GREM2: variants seen among roughly 807,000 people sequenced by gnomAD.
GREM2 encodes gremlin-2.
Under a neutral mutation model 14.2 loss-of-function variants are expected in GREM2, and 11 were observed. The ratio of observed to expected loss-of-function variants is 0.78; its 90% CI spans 0.49 to 1.28. GREM2 has a LOEUF of 1.28. Among genes scored for constraint, GREM2 ranks in the 50% most tolerant of loss-of-function variants. The pLI is 0.00. For synonymous variants in GREM2, 98 were observed against 97.6 expected, an observed-to-expected ratio of 1.00 and a Z score of -0.02; for missense variants, 210 against 218.5, an observed-to-expected ratio of 0.96 and a Z score of 0.24.
intron 1 of GREM2, among the ~76,000 whole-genome samples, chr1:240,536,634 T>C (rs951438454): frequency 1.3e-5 from 2 of 148,268 alleles, no homozygotes; most frequent in African/African-American, 5.1e-5. Flanking sequence ...TAAGACAAAA[T>C]GGCAGCGGGG....
At chr1:240,493,756 C>A (rs140289355) in intron 1 of GREM2, among the ~76,000 whole-genome samples, 2 of 152,000 alleles carry the variant, frequency 1.3e-5, no homozygotes, top group African/African-American at 4.8e-5. Context: ...GTCTGGAACT[C>A]CTGGCCTCAA....
chr1:240,589,556 G>A (rs967231370), intron 1 of GREM2, among the ~76,000 whole-genome samples: 4 of 151,890 alleles, frequency 2.6e-5, no homozygotes, highest in African/African-American at 9.7e-5. Context: ...TCCTTTCCCA[G>A]TATCTCTTCT....
chr1:240,610,310 T>C (rs1469703204), intron 1 of GREM2, among the ~76,000 whole-genome samples: 1 of 152,184 alleles, frequency 6.6e-6, no homozygotes, highest in Non-Finnish European at 1.5e-5. Context: ...AAAATTTATC[T>C]ATAAAGTTAA....
intron 1 of GREM2, among the ~76,000 whole-genome samples, chr1:240,551,317 A>G (rs550718885): frequency 6.6e-6 from 1 of 150,990 alleles, no homozygotes; most frequent in South Asian, 2.1e-4. Flanking sequence ...ACGCATTTTC[A>G]GTATAATAGG....
chr1:240,575,624 G>A (rs191554771), intron 1 of GREM2, among the ~76,000 whole-genome samples: 2 of 151,648 alleles, frequency 1.3e-5, no homozygotes, highest in African/African-American at 4.9e-5. Context: ...GGGTTCAAGC[G>A]ATTCTCCTGA....
rs1340125288 is a variant in GREM2 at position 240,491,121 on chromosome 1, G to A, written c.*1848C>T. 2.0e-5 allele frequency: 3 copies of A among 152,164 alleles called. No individual in the cohort carries two copies. The highest frequency in any genetic ancestry group is 6.5e-5 in the Admixed American group (1 of 15,274). 9.4% of individuals were successfully genotyped at this position (152,164 alleles called of 1,614,324 possible). A position where few individuals can be genotyped will look rare whatever the true frequency, so the allele number is the denominator to read the frequency against. ...AGCACATTCTTGCTCAGGTCTCATG[G>A]TGTTGCAGAAATGACAGAAATGCAC... On this transcript the variant is annotated 3_prime_UTR_variant, in exon 2 of 2. Coordinates refer to ENST00000318160, the MANE Select transcript of GREM2 (RefSeq NM_022469.4).
At position 240,573,991 on chromosome 1, in the gene GREM2, C is replaced by A. The variant is rs554408772; in HGVS notation, c.-2+37893G>T. 8.7e-4 allele frequency among the ~76,000 whole-genome samples: 133 copies of A among 152,278 alleles called. 2 individuals carry two copies. Among genetic ancestry groups the A allele is most frequent in the Admixed American group, 2.2e-3 (33 of 15,288 alleles). Reference sequence around the variant, plus strand: ...CTGGAGTGCAGTGGCTTGATCTTGGCTCACAGCAACCTCTGCCTCCCAGGT... The same window carrying A: ...CTGGAGTGCAGTGGCTTGATCTTGGATCACAGCAACCTCTGCCTCCCAGGT... On this transcript the variant is annotated intron_variant, in intron 1 of 1. Transcript: ENST00000318160.
At chr1:240,566,503 C>T (rs1310556477) in intron 1 of GREM2, among the ~76,000 whole-genome samples, 1 of 152,078 alleles carries the variant, frequency 6.6e-6, no homozygotes, top group African/African-American at 2.4e-5. Context: ...GAGATGAAAC[C>T]GACTCTGGGG....
At chr1:240,512,962 G>A (rs142649979) in intron 1 of GREM2, among the ~76,000 whole-genome samples, 4 of 152,286 alleles carry the variant, frequency 2.6e-5, no homozygotes, top group East Asian at 1.9e-4. Flanking sequence ...AGGTGCAGTG[G>A]TGGGTACTAG....
chr1:240,532,866 T>A (rs918494701), intron 1 of GREM2, among the ~76,000 whole-genome samples: 1 of 152,252 alleles, frequency 6.6e-6, no homozygotes, highest in African/African-American at 2.4e-5. Flanking sequence ...GGCACTTTAC[T>A]GGCTATAGCA....
intron 1 of GREM2, among the ~76,000 whole-genome samples, chr1:240,571,260 A>G (rs946989929): frequency 3.9e-5 from 6 of 152,226 alleles, no homozygotes; most frequent in Non-Finnish European, 8.8e-5. Context: ...AAGTCTATAC[A>G]TCTAGGTTTA....
chr1:240,560,740 G>A (rs1679021937), intron 1 of GREM2, among the ~76,000 whole-genome samples: 1 of 152,088 alleles, frequency 6.6e-6, no homozygotes, highest in Non-Finnish European at 1.5e-5. Context: ...GAATGAAATA[G>A]CATAAAGCCC....
chr1:240,493,073 G>C lies in GREM2; in HGVS notation c.403C>G (p.Leu135Val), dbSNP rs1677301264. The change falls in exon 2 of 2, where the codon CTC becomes GTC. Residue 135 changes from leucine (L) to valine (V), a missense_variant. Coordinates refer to ENST00000318160, the MANE Select transcript of GREM2 (RefSeq NM_022469.4). ...PQRVTSVLVE[L>V]ECPGLDPPFR... The stretch of plus-strand genomic sequence containing the variant: ...GGTGGGTCCAGGCCGGGGCACTCGA[G>C]CTCCACGAGGACGGAGGTGACGCGC... 6.2e-7 allele frequency: 1 copy of C among 1,613,002 alleles called. No individual in the cohort carries two copies. The highest frequency in any genetic ancestry group is 1.3e-5 in the African/African-American group (1 of 74,924).
intron 1 of GREM2, among the ~76,000 whole-genome samples, chr1:240,535,882 C>G (rs986727272): frequency 6.6e-6 from 1 of 151,660 alleles, no homozygotes; most frequent in Non-Finnish European, 1.5e-5. Context: ...CAAGCCTAGT[C>G]AAGTCTCCCA....
chr1:240,560,319 C>A (rs1329828732), intron 1 of GREM2, among the ~76,000 whole-genome samples: 2 of 152,028 alleles, frequency 1.3e-5, no homozygotes, highest in Non-Finnish European at 2.9e-5. Flanking sequence ...GCAGTTGTAC[C>A]CACCCCTGCT....
chr1:240,496,334 C>T (rs1677416081), intron 1 of GREM2, among the ~76,000 whole-genome samples: 1 of 151,308 alleles, frequency 6.6e-6, no homozygotes, highest in Non-Finnish European at 1.5e-5. Flanking sequence ...TCACTCTGCT[C>T]CAGCCATACT....
At chr1:240,570,841 C>T (rs1679247145) in intron 1 of GREM2, among the ~76,000 whole-genome samples, 2 of 152,288 alleles carry the variant, frequency 1.3e-5, no homozygotes, top group African/African-American at 4.8e-5. Context: ...TATTTGATTC[C>T]TTTCTCTCTT....
rs1677303522 is a variant in GREM2 at position 240,493,117 on chromosome 1, C to T, written c.359G>A (p.Cys120Tyr). Reference sequence around the variant, plus strand: ...GACGCGCTGGGGCTTGCAGAAGGCGCAGGACTGGAAGGACTCCTCCTCCTT... The same window carrying T: ...GACGCGCTGGGGCTTGCAGAAGGCGTAGGACTGGAAGGACTCCTCCTCCTT... Reference protein sequence around the residue: ...VKKEEESFQSCAFCKPQRVTS... With the variant: ...VKKEEESFQSYAFCKPQRVTS... Residue 120 changes from cysteine (C) to tyrosine (Y), a missense_variant, in exon 2 of 2, where the codon TGC (cysteine) becomes TAC (tyrosine). Physicochemically the swap from Cys to Tyr is radical, Grantham distance 194. Transcript: ENST00000318160. 1 of 1,614,062 alleles carries T rather than the reference C, an allele frequency of 6.2e-7. No homozygotes were observed. Among genetic ancestry groups the T allele is most frequent in the South Asian group, 1.1e-5 (1 of 91,090 alleles).
intron 1 of GREM2, among the ~76,000 whole-genome samples, chr1:240,538,795 T>A (rs1348902162): frequency 6.6e-6 from 1 of 152,212 alleles, no homozygotes; most frequent in Non-Finnish European, 1.5e-5. Context: ...CTAATACCAA[T>A]TATTTACAAA....
Sources: gnomAD v4.1 joint callset for allele counts (sites outside exome capture counted in the v4.1 genomes callset) on GRCh38, gnomAD v4.1.1 for gene constraint, MANE v1.5 for transcripts, NCBI Gene and HGNC (gene_info 2026-07-23, HGNC 2026-07-21) for gene names.